LRRN2: variants seen among roughly 807,000 people sequenced by gnomAD.
The protein encoded by LRRN2 is leucine-rich repeat neuronal protein 2.
LRRN2 carries 10 observed loss-of-function variants against 35.7 expected under a neutral mutation model. The observed-to-expected ratio is 0.28, with a 90% CI of 0.17 to 0.47. LRRN2 has a LOEUF of 0.47. LRRN2 is among the 20% of genes least tolerant of loss of function. The pLI is 0.99. For missense variants in LRRN2, 731 were observed against 940.3 expected, an observed-to-expected ratio of 0.78 and a Z score of 2.91; for synonymous variants, 391 against 409.6, an observed-to-expected ratio of 0.95 and a Z score of 0.55.
intron 1 of LRRN2, among the ~76,000 whole-genome samples, chr1:204,678,446 C>G (rs1389298071): frequency 2.0e-5 from 3 of 152,170 alleles, no homozygotes; most frequent in Admixed American, 6.5e-5. Flanking sequence ...GGCCAACGAC[C>G]AGTGGTGTTA....
In LRRN2 at chr1:204,617,879, A is replaced by G. The variant is rs1666463932; in HGVS notation, c.2114T>C (p.Leu705Pro). The change falls in exon 2 of 2, where the codon CTG (leucine) becomes CCG (proline). Residue 705 changes from leucine to proline, a missense_variant. Transcript: ENST00000367177. ...AGAATTTTGAGACAATGGTGGCAAC[A>G]GTGTCTCCCCTTCTGAGGATCTGGG... ...KLPRSSEGET[L>P]LPPLSQNS 1.2e-6 allele frequency: 2 copies of G among 1,613,928 alleles called. No individual in the cohort carries two copies. The highest frequency in any genetic ancestry group is 2.7e-5 in the African/African-American group (2 of 74,950).
rs1455798722 is a variant in LRRN2 at position 204,617,670 on chromosome 1, C to G, written c.*181G>C. 1.9e-5 allele frequency: 13 copies of G among 690,408 alleles called. No individual in the cohort carries two copies. The highest frequency in any genetic ancestry group is 1.5e-5 in the Non-Finnish European group (6 of 405,140). 42.8% of individuals were successfully genotyped at this position (690,408 alleles called of 1,614,324 possible). A position where few individuals can be genotyped will look rare whatever the true frequency, so the allele number is the denominator to read the frequency against. ...AGGTGACCCTAGGAGGTAAGGGCAA[C>G]TTTTTCGAGGCTGCAGAAGCACCCC... is the stretch of plus-strand genomic sequence containing the variant. On this transcript the variant is annotated 3_prime_UTR_variant, in exon 2 of 2. Coordinates refer to ENST00000367177, the MANE Select transcript of LRRN2 (RefSeq NM_201630.2).
chr1:204,623,405 G>A (rs1447653676), intron 1 of LRRN2, among the ~76,000 whole-genome samples: 3 of 152,202 alleles, frequency 2.0e-5, no homozygotes, highest in East Asian at 1.9e-4. Context: ...GGTGGATGAG[G>A]CAGAGGTCGT....
intron 1 of LRRN2, among the ~76,000 whole-genome samples, chr1:204,679,085 T>C (rs1668884066): frequency 6.6e-6 from 1 of 152,220 alleles, no homozygotes; most frequent in Non-Finnish European, 1.5e-5. Context: ...AGGATGATTC[T>C]GCAGGTCCCC....
At chr1:204,658,115 C>T (rs1201435753) in intron 1 of LRRN2, among the ~76,000 whole-genome samples, 1 of 151,716 alleles carries the variant, frequency 6.6e-6, no homozygotes, top group African/African-American at 2.4e-5. Flanking sequence ...ATATCTGGGA[C>T]TACAGGCACG....
chr1:204,619,779 G>A lies in LRRN2; in HGVS notation c.214C>T (p.Gln72Ter), dbSNP rs1666709627. 6.2e-7 allele frequency: 1 copy of A among 1,614,128 alleles called. No homozygotes were observed. Among genetic ancestry groups the A allele is most frequent in the African/African-American group, 1.3e-5 (1 of 74,952 alleles). ...AVPPALPAGT[Q>*]TLLLQSNSIV... is the part of the protein sequence containing the mutation. ...CTGTTGCTCTGCAGGAGCAGGGTCT[G>A]TGTGCCTGCGGGGAGTGCCGGGGGG... Residue 72 changes from glutamine (Q) to a stop codon, truncating the protein, a stop_gained, in exon 2 of 2, where the codon CAG (glutamine) becomes TAG (stop). Transcript: ENST00000367177. LOFTEE classifies it high-confidence loss of function.
Position 204,619,571 on chromosome 1 carries a change from G to C in LRRN2, c.422C>G (p.Ala141Gly), listed in dbSNP as rs1231676192. The change falls in exon 2 of 2, where the codon GCC becomes GGC. Residue 141 changes from alanine to glycine, a missense_variant. Around this residue, in one of 3 missense-constraint regions of LRRN2, gnomAD observed 246 missense variants for 289.5 expected, o/e 0.85. Coordinates refer to ENST00000367177, the MANE Select transcript of LRRN2 (RefSeq NM_201630.2). ...GTTGAGATAGAGTTCCTGTAGGCTGGCCAGCCCTGCAAAGCTGTGGTCCTC... is the reference window on the plus strand; with the variant it reads ...GTTGAGATAGAGTTCCTGTAGGCTGCCCAGCCCTGCAAAGCTGTGGTCCTC... ...RLEDHSFAGL[A>G]SLQELYLNHN... The C allele has an allele frequency of 2.5e-6, 4 of 1,614,186 alleles. 1 individual carries two copies. The highest frequency in any genetic ancestry group is 2.2e-5 in the East Asian group (1 of 44,882).
intron 1 of LRRN2, among the ~76,000 whole-genome samples, chr1:204,624,123 TC>T (rs1261950743): frequency 6.6e-6 from 1 of 152,138 alleles, no homozygotes; most frequent in African/African-American, 2.4e-5. Context: ...CAGTTGCAAA[TC>T]CCTTCAGAGA....
chr1:204,675,898 G>A (rs2102243108), intron 1 of LRRN2, among the ~76,000 whole-genome samples: 1 of 152,346 alleles, frequency 6.6e-6, no homozygotes, highest in East Asian at 1.9e-4. Context: ...ATATGCAGAG[G>A]AACTCTGGGT....
chr1:204,661,344 G>A (rs1006863262), intron 1 of LRRN2, among the ~76,000 whole-genome samples: 1 of 152,028 alleles, frequency 6.6e-6, no homozygotes, highest in Non-Finnish European at 1.5e-5. Context: ...ATTTGGGAGT[G>A]GTAATATGGG....
intron 1 of LRRN2, among the ~76,000 whole-genome samples, chr1:204,658,877 G>T (rs1668412823): frequency 6.6e-6 from 1 of 152,176 alleles, no homozygotes; most frequent in Non-Finnish European, 1.5e-5. Flanking sequence ...GGTTTGGGGA[G>T]GCAGCACAAA....
In LRRN2 at chr1:204,619,954, C is replaced by T; in HGVS notation, c.39G>A (p.Val13=). The T allele has an allele frequency of 6.2e-7, 1 of 1,612,708 alleles. No individual in the cohort carries two copies. The highest frequency in any genetic ancestry group is 8.5e-7 in the Non-Finnish European group (1 of 1,179,668). ...LLVAPLLLAW[V]AGATAAVPVV... is the part of the protein sequence containing the mutation. ...CGGGCACAGCGGCAGTGGCACCAGC[C>T]ACCCAAGCTAGCAAGAGTGGGGCCA... Residue 13 remains valine, a synonymous_variant, in exon 2 of 2, where the codon GTG becomes GTA. Transcript: ENST00000367177.
chr1:204,623,743 C>G (rs981627090), intron 1 of LRRN2, among the ~76,000 whole-genome samples: 2 of 152,212 alleles, frequency 1.3e-5, no homozygotes, highest in Non-Finnish European at 2.9e-5. Context: ...TATACTTTCC[C>G]CAATTGGATT....
intron 1 of LRRN2, among the ~76,000 whole-genome samples, chr1:204,624,104 AG>A (rs1215441432): frequency 6.6e-6 from 1 of 152,232 alleles, no homozygotes; most frequent in African/African-American, 2.4e-5. Context: ...GCAGAGGGCA[AG>A]GCTGCCTCAG....
intron 1 of LRRN2, among the ~76,000 whole-genome samples, chr1:204,622,647 A>G (rs1666992171): frequency 6.6e-6 from 1 of 152,078 alleles, no homozygotes; most frequent in Admixed American, 6.5e-5. Flanking sequence ...GTGGTGGTCT[A>G]GGTGGGTGGA....
At chr1:204,648,985 A>G (rs901054485) in intron 1 of LRRN2, among the ~76,000 whole-genome samples, 11 of 152,230 alleles carry the variant, frequency 7.2e-5, no homozygotes, top group Non-Finnish European at 1.5e-4. Flanking sequence ...AGGTCAGGCC[A>G]GAGTCATCAG....
intron 1 of LRRN2, among the ~76,000 whole-genome samples, chr1:204,626,113 C>A (rs549865049): frequency 6.6e-6 from 1 of 152,104 alleles, no homozygotes; most frequent in Non-Finnish European, 1.5e-5. Context: ...TCCCCTGGGT[C>A]ACTCTACTCG....
chr1:204,680,131 A>G (rs551964867), intron 1 of LRRN2, among the ~76,000 whole-genome samples: 6 of 152,334 alleles, frequency 3.9e-5, no homozygotes, highest in African/African-American at 1.4e-4. Flanking sequence ...TATGTCCTTG[A>G]GCAAGTCTGA....
intron 1 of LRRN2, among the ~76,000 whole-genome samples, chr1:204,636,606 T>C (rs1667839908): frequency 6.6e-6 from 1 of 152,092 alleles, no homozygotes; most frequent in African/African-American, 2.4e-5. Context: ...GGCCAACTGG[T>C]CTTGCTGTGG....
Sources: allele counts gnomAD v4.1 joint callset (sites outside exome capture counted in the v4.1 genomes callset), GRCh38; gene constraint gnomAD v4.1.1; regional missense constraint gnomAD v4.1.1; transcripts MANE v1.5; gene names NCBI Gene and HGNC (gene_info 2026-07-23, HGNC 2026-07-21).